Variants in PSD2 observed in about 807,000 individuals in gnomAD.
PSD2 encodes the protein PH and SEC7 domain-containing protein 2.
Under a neutral mutation model 69.8 loss-of-function variants are expected in PSD2, and 38 were observed. The observed-to-expected ratio is 0.54, with a 90% CI of 0.42 to 0.71. PSD2 has a LOEUF of 0.71. Ranked by LOEUF, PSD2 falls within the 30% of genes least tolerant of loss-of-function variation. PSD2 has a pLI of 0.00. For synonymous variants in PSD2, 412 were observed against 423.0 expected (o/e 0.97, Z 0.32); for missense variants, 943 against 1,014.5 (o/e 0.93, Z 0.96).
chr5:139,798,904 C>T (rs1326763857), intron 1 of PSD2, among the ~76,000 whole-genome samples: 2 of 152,076 alleles, frequency 1.3e-5, no homozygotes, highest in African/African-American at 4.8e-5. Context: ...GATCATGGAA[C>T]ATACATTGCA....
At chr5:139,774,598 C>G in the PSD2 span, among the ~76,000 whole-genome samples, 1 of 152,200 alleles carries the variant, frequency 6.6e-6, no homozygotes, top group Non-Finnish European at 1.5e-5. Context: ...TCAAGCGATT[C>G]TCCTGCCTTA....
In PSD2 at chr5:139,822,114, T is replaced by C. The variant is rs147560673; in HGVS notation, c.1210+109T>C. On this transcript the variant is annotated intron_variant, in intron 6 of 14. Coordinates refer to ENST00000274710, the MANE Select transcript of PSD2 (RefSeq NM_032289.4). ...CTTCGGTCCTGTTGCCAGGCCCAGA[T>C]GGTTTGTCCTCTCTGGCATGCAGTA... 8.6e-4 allele frequency: 540 copies of C among 630,620 alleles called. 1 individual carries two copies. In the African/African-American group the frequency reaches 8.6e-3, roughly 10 times the overall value. The allele number at this position is 630,620 out of a possible 1,614,324, so 39.1% of individuals were successfully genotyped here. A position where few individuals can be genotyped will look rare whatever the true frequency, so the allele number is the denominator to read the frequency against.
intron 14 of PSD2, among the ~76,000 whole-genome samples, chr5:139,840,889 T>C (rs1008228586): frequency 6.6e-6 from 1 of 152,190 alleles, no homozygotes; most frequent in Admixed American, 6.5e-5. Context: ...AACATTTTAA[T>C]TGCAGTAAGA....
the PSD2 span, chr5:139,746,286 G>C: frequency 6.6e-6 from 1 of 152,218 alleles, no homozygotes; most frequent in Non-Finnish European, 1.5e-5. This position sits in a 1 kb window ranked among gnomAD's most constrained non-coding sequence, Gnocchi z 4.5. Flanking sequence ...AAGAGGCACC[G>C]TGAGAGCCAA....
At chr5:139,755,409 T>C in the PSD2 span, among the ~76,000 whole-genome samples, 1 of 152,094 alleles carries the variant, frequency 6.6e-6, no homozygotes, top group Non-Finnish European at 1.5e-5. Flanking sequence ...TTTGTGTGCG[T>C]GGGTATCTTT....
At chr5:139,766,149 G>C in the PSD2 span, among the ~76,000 whole-genome samples, 4 of 152,106 alleles carry the variant, frequency 2.6e-5, no homozygotes. Flanking sequence ...GGGGTGGATC[G>C]CTGAGTCCAC....
rs1470132976 is a variant in PSD2, at chr5:139,843,543, T to G, written c.*1069T>G. 6.6e-6 allele frequency: 1 copy of G among 152,234 alleles called. No homozygotes were observed. The allele number at this position is 152,234 out of a possible 1,614,324, so 9.4% of individuals were successfully genotyped here. On this transcript the variant is annotated 3_prime_UTR_variant, in exon 15 of 15. Transcript: ENST00000274710. ...CTACTGCTATAGGAATAAAAGACACTCTGTCTCGCAAATGGCTGCTTGTCA... is the reference window on the plus strand; with the variant it reads ...CTACTGCTATAGGAATAAAAGACACGCTGTCTCGCAAATGGCTGCTTGTCA...
rs1644514510 is a variant in PSD2 at position 139,844,043 on chromosome 5, T to G, written c.*1569T>G. Reference sequence around the variant, plus strand: ...TTCAGATTATTTAAGTTGGATCAGCTGAAGTGTGTTTTAGACCCAAACCAT... The same window carrying G: ...TTCAGATTATTTAAGTTGGATCAGCGGAAGTGTGTTTTAGACCCAAACCAT... On this transcript the variant is annotated 3_prime_UTR_variant, in exon 15 of 15. Coordinates refer to ENST00000274710, the MANE Select transcript of PSD2 (RefSeq NM_032289.4). The G allele has an allele frequency of 6.6e-6, 1 of 152,248 alleles. No individual in the cohort carries two copies. The highest frequency in any genetic ancestry group is 2.4e-5 in the African/African-American group (1 of 41,462). The allele number at this position is 152,248 out of a possible 1,614,324, so 9.4% of individuals were successfully genotyped here. A position where few individuals can be genotyped will look rare whatever the true frequency, so the allele number is the denominator to read the frequency against.
chr5:139,748,770 G>T, the PSD2 span, among the ~76,000 whole-genome samples: 11 of 152,258 alleles, frequency 7.2e-5, no homozygotes, highest in African/African-American at 1.4e-4. Flanking sequence ...CGCGGCCACC[G>T]CATCGAGCGG....
intron 2 of PSD2, among the ~76,000 whole-genome samples, chr5:139,811,752 G>A (rs756211111): frequency 2.0e-4 from 31 of 152,160 alleles, no homozygotes; most frequent in Non-Finnish European, 4.1e-4. Flanking sequence ...CCGCCACTAC[G>A]CCCGGCTAAT....
intron 4 of PSD2, among the ~76,000 whole-genome samples, chr5:139,815,177 C>T (rs1760088270): frequency 6.6e-6 from 1 of 152,060 alleles, no homozygotes; most frequent in South Asian, 2.1e-4. Flanking sequence ...TCTTCTCTCA[C>T]TTCTTCTCCC....
the PSD2 span, among the ~76,000 whole-genome samples, chr5:139,780,791 G>T: frequency 6.6e-6 from 1 of 152,206 alleles, no homozygotes; most frequent in Non-Finnish European, 1.5e-5. Context: ...CCTCCAGCCA[G>T]TCCTGTTAAT....
At chr5:139,817,041 G>T (rs1033653648) in intron 4 of PSD2, among the ~76,000 whole-genome samples, 1 of 152,186 alleles carries the variant, frequency 6.6e-6, no homozygotes, top group African/African-American at 2.4e-5. Flanking sequence ...CACTCAGCAG[G>T]TAGCGCATTC....
upstream of PSD2, among the ~76,000 whole-genome samples, chr5:139,790,877 A>G (rs1326179429): frequency 6.6e-6 from 1 of 151,962 alleles, no homozygotes; most frequent in Non-Finnish European, 1.5e-5. Flanking sequence ...TGTCTCTACT[A>G]AAAATACAAA....
the PSD2 span, among the ~76,000 whole-genome samples, chr5:139,786,189 G>A: frequency 1.3e-5 from 2 of 151,882 alleles, no homozygotes; most frequent in African/African-American, 4.8e-5. Flanking sequence ...GTTTGAGATC[G>A]GCCTGAGCAA....
At chr5:139,798,742 T>C (rs1759593984) in intron 1 of PSD2, among the ~76,000 whole-genome samples, 1 of 152,216 alleles carries the variant, frequency 6.6e-6, no homozygotes, top group Non-Finnish European at 1.5e-5. Flanking sequence ...CAGCATGAAT[T>C]TCCTGAGACA....
the PSD2 span, among the ~76,000 whole-genome samples, chr5:139,756,151 G>GGGGAGGGAA: frequency 6.6e-6 from 1 of 152,186 alleles, no homozygotes; most frequent in Non-Finnish European, 1.5e-5. Context: ...GTCTGGGGGC[G>GGGGAGGGAA]GGGAGGGAAG....
At chr5:139,830,569 T>C (rs6869045) in intron 7 of PSD2, among the ~76,000 whole-genome samples, 8,039 of 49,962 alleles carry the variant, frequency 0.16, 359 homozygotes, top group African/African-American at 0.21. Context: ...TTCCTTCCTT[T>C]CTTTCTTTCT....
intron 1 of PSD2, among the ~76,000 whole-genome samples, chr5:139,809,000 T>C (rs1759880877): frequency 6.6e-6 from 1 of 152,236 alleles, no homozygotes; most frequent in East Asian, 1.9e-4. Flanking sequence ...GACCGGCTGC[T>C]GACAGCCTGT....
Sources: allele counts gnomAD v4.1 joint callset (sites outside exome capture counted in the v4.1 genomes callset), GRCh38; gene constraint gnomAD v4.1.1; non-coding constraint Gnocchi (gnomAD v3.1); transcripts MANE v1.5; gene names NCBI Gene and HGNC (gene_info 2026-07-23, HGNC 2026-07-21).